Variants in SRGAP2 observed in about 807,000 individuals in gnomAD.
The protein encoded by SRGAP2 is SLIT-ROBO Rho GTPase activating protein 2.
In SRGAP2, 15 loss-of-function variants were observed where a neutral mutation model predicts 57.2. The observed-to-expected ratio is 0.26, with a 90% confidence interval of 0.18 to 0.40. The LOEUF is 0.40. Among genes scored for constraint, SRGAP2 ranks in the 10% least tolerant of loss-of-function variants. The pLI is 1.00. For missense variants in SRGAP2, 520 were observed against 669.6 expected, an observed-to-expected ratio of 0.78 and a Z score of 2.47; for synonymous variants, 249 against 248.0, an observed-to-expected ratio of 1.00 and a Z score of -0.04.
chr1:206,464,310 G>C lies in SRGAP2; in HGVS notation c.*2890G>C, dbSNP rs1479933029. The C allele has an allele frequency of 1.3e-5, 2 of 152,616 alleles. No individual in the cohort carries two copies. The highest frequency in any genetic ancestry group is 4.8e-5 in the African/African-American group (2 of 41,454). The allele number at this position is 152,616 out of a possible 1,614,324, so 9.5% of individuals were successfully genotyped here. A position where few individuals can be genotyped will look rare whatever the true frequency, so the allele number is the denominator to read the frequency against. ...ATGGTATATTCTTTAAAATAGTGTT[G>C]ATAACTGGAATATTGTATGTATGCT... On this transcript the variant is annotated 3_prime_UTR_variant, in exon 23 of 23. Coordinates refer to ENST00000573034, the MANE Select transcript of SRGAP2 (RefSeq NM_015326.5).
Position 206,287,856 on chromosome 1 carries a change from A to G in SRGAP2, c.68-15425A>G, listed in dbSNP as rs1173150664. ...CTGGTAATGAGCCAGTAGAAATGGA[A>G]AATGATGATACGGAAAATAAGAGTG... On this transcript the variant is annotated intron_variant, in intron 2 of 22. Coordinates refer to ENST00000573034, the MANE Select transcript of SRGAP2 (RefSeq NM_015326.5). Among the ~76,000 whole-genome samples, 3 of 105,964 alleles carry G rather than the reference A, an allele frequency of 2.8e-5. 1 individual carries two copies. The highest frequency in any genetic ancestry group is 1.2e-4 in the African/African-American group (2 of 17,042). 69.5% of individuals were successfully genotyped at this position (105,964 alleles called of 152,430 possible).
chr1:206,372,961 TTTCCTTTC>T lies in SRGAP2; in HGVS notation c.424-11050_424-11043del, dbSNP rs1558358759. Among the ~76,000 whole-genome samples, 4 of 11,038 alleles carry T rather than the reference TTTCCTTTC, an allele frequency of 3.6e-4. 1 individual carries two copies. Among genetic ancestry groups the T allele is most frequent in the African/African-American group, 1.5e-3 (3 of 1,962 alleles). 7.2% of individuals were successfully genotyped at this position (11,038 alleles called of 152,430 possible). On this transcript the variant is annotated intron_variant, in intron 4 of 22. Transcript: ENST00000573034. ...TTTCTTTCTTTCTTTCTTTCTTTTC[TTTCCTTTC>T]TTTCTTTCTTTCTTTCTTTCTTTCT...
At chr1:206,265,802 C>T (rs1571717405) in intron 2 of SRGAP2, among the ~76,000 whole-genome samples, 1 of 150,980 alleles carries the variant, frequency 6.6e-6, no homozygotes. Flanking sequence ...ATAAAGTGAA[C>T]GTGTTTTTTT....
intron 12 of SRGAP2, among the ~76,000 whole-genome samples, chr1:206,419,674 G>A (rs782597022): frequency 6.6e-6 from 1 of 152,018 alleles, no homozygotes; most frequent in Non-Finnish European, 1.5e-5. Context: ...ACCCCCTAAC[G>A]CCACTGAATT....
chr1:206,310,078 A>G (rs1465406808), intron 3 of SRGAP2, among the ~76,000 whole-genome samples: 2 of 151,692 alleles, frequency 1.3e-5, no homozygotes, highest in Non-Finnish European at 2.9e-5. Context: ...TCTCTCATGT[A>G]TAAGGTATTG....
rs1661032269 is a variant in SRGAP2, at chr1:206,428,770, C to CTCTG, written c.1495-1390_1495-1389insTGTC. ...CTCTGTCCTCTGGGCTCAAGCAGTC[C>CTCTG]TCCCACCTCAGCCTCGCAAGTAGCT... On this transcript the variant is annotated intron_variant, in intron 13 of 22. Transcript: ENST00000573034. Among the ~76,000 whole-genome samples the CTCTG allele has an allele frequency of 4.6e-5, 7 of 152,272 alleles. No homozygotes were observed. In the South Asian group the frequency reaches 1.4e-3, roughly 32 times the overall value.
At chr1:206,415,999 G>A (rs781972113) in intron 11 of SRGAP2, 26 bp downstream of exon 11, 2 of 773,692 alleles carry the variant, frequency 2.6e-6, no homozygotes, top group Non-Finnish European at 4.8e-6. Context: ...CTCTGCTAGA[G>A]GCTTGACAGT....
chr1:206,420,528 C>T (rs1283378279), intron 12 of SRGAP2, among the ~76,000 whole-genome samples: 3 of 152,170 alleles, frequency 2.0e-5, no homozygotes, highest in African/African-American at 7.2e-5. Context: ...GACCAGAGCA[C>T]TCCACTAGAT....
chr1:206,461,837 G>A lies in SRGAP2; in HGVS notation c.*417G>A, dbSNP rs1664287241. On this transcript the variant is annotated 3_prime_UTR_variant, in exon 23 of 23. Coordinates refer to ENST00000573034, the MANE Select transcript of SRGAP2 (RefSeq NM_015326.5). ...TCTTGTTTTGGGAACTGATTATAGA[G>A]AATCATATATAGTCCAGTCTTCATT... 9 of 177,900 alleles carry A rather than the reference G, an allele frequency of 5.1e-5. No homozygotes were observed. The highest frequency in any genetic ancestry group is 4.4e-4 in the Admixed American group (8 of 18,344). The allele number at this position is 177,900 out of a possible 1,614,324, so 11.0% of individuals were successfully genotyped here.
At chr1:206,392,119 G>T (rs1179643751) in intron 5 of SRGAP2, among the ~76,000 whole-genome samples, 3 of 152,240 alleles carry the variant, frequency 2.0e-5, no homozygotes, top group Non-Finnish European at 4.4e-5. Flanking sequence ...TGGCATTGCA[G>T]TTGCTGTGAG....
chr1:206,430,349 A>T, intron 14 of SRGAP2, 127 bp downstream of exon 14: 1 of 675,510 alleles, frequency 1.5e-6, no homozygotes, highest in Non-Finnish European at 2.8e-6. Flanking sequence ...ATAAATTCTT[A>T]CTTGTCCACA....
intron 18 of SRGAP2, among the ~76,000 whole-genome samples, chr1:206,446,688 G>T (rs1438425404): frequency 7.2e-5 from 11 of 152,188 alleles, no homozygotes; most frequent in African/African-American, 2.7e-4. Context: ...GGGTCCCAGG[G>T]AATTCCCTTC....
chr1:206,443,811 C>T (rs1050182338), intron 17 of SRGAP2, among the ~76,000 whole-genome samples: 3 of 152,272 alleles, frequency 2.0e-5, no homozygotes, highest in African/African-American at 7.2e-5. Flanking sequence ...TATTTATATG[C>T]GCACATATGT....
intron 13 of SRGAP2, among the ~76,000 whole-genome samples, chr1:206,423,117 A>G (rs1224803786): frequency 2.6e-5 from 4 of 152,190 alleles, no homozygotes; most frequent in African/African-American, 9.6e-5. Flanking sequence ...GACCCTGTCA[A>G]AGACTAGGTT....
chr1:206,438,066 A>G lies in SRGAP2; in HGVS notation c.1736A>G (p.Lys579Arg), dbSNP rs1262843878. 1 of 780,840 alleles carries G rather than the reference A, an allele frequency of 1.3e-6. No individual in the cohort carries two copies. Among genetic ancestry groups the G allele is most frequent in the Non-Finnish European group, 2.4e-6 (1 of 417,946 alleles). The allele number at this position is 780,840 out of a possible 1,614,324, so 48.4% of individuals were successfully genotyped here. The stretch of plus-strand genomic sequence containing the variant: ...GGGCTGGAACACCCTCTCTTCCCCA[A>G]GGACATCTTTCATGACCTGATGGCC... ...FRGLEHPLFP[K>R]DIFHDLMACV... Residue 579 changes from lysine (K) to arginine (R), a missense_variant, in exon 16 of 23, where the codon AAG becomes AGG. By Grantham distance (26) the Lys-to-Arg change is conservative. This residue lies in a region of SRGAP2 where 478 missense variants were observed against 373.6 expected (regional missense o/e 1.28). Transcript: ENST00000573034.
intron 4 of SRGAP2, among the ~76,000 whole-genome samples, chr1:206,356,396 CT>C (rs1553339333): frequency 7.0e-6 from 1 of 142,410 alleles, no homozygotes; most frequent in Non-Finnish European, 1.5e-5. Context: ...TTGGCTTCCC[CT>C]GATCTCTTCA....
intron 3 of SRGAP2, among the ~76,000 whole-genome samples, chr1:206,327,670 TTTTA>T (rs1425679029): frequency 7.9e-4 from 92 of 116,858 alleles, no homozygotes; most frequent in African/African-American, 3.4e-3. Context: ...TTTATTTATT[TTTTA>T]TTTATTTATT....
intron 10 of SRGAP2, among the ~76,000 whole-genome samples, chr1:206,411,408 C>A (rs940117707): frequency 6.6e-6 from 1 of 152,188 alleles, no homozygotes; most frequent in Non-Finnish European, 1.5e-5. Flanking sequence ...CCTTGGTAAA[C>A]GTGTGCTAGT....
At chr1:206,419,017 G>A (rs540069723) in intron 11 of SRGAP2, among the ~76,000 whole-genome samples, 12 of 151,416 alleles carry the variant, frequency 7.9e-5, no homozygotes, top group South Asian at 2.1e-4. Flanking sequence ...TTCATCTCTG[G>A]GAGGGCTTCT....
Sources: gnomAD v4.1 joint callset for allele counts (sites outside exome capture counted in the v4.1 genomes callset) on GRCh38, gnomAD v4.1.1 for gene constraint, gnomAD v4.1.1 regional missense constraint, MANE v1.5 for transcripts, NCBI Gene and HGNC (gene_info 2026-07-23, HGNC 2026-07-21) for gene names.